The following IZUMO1 variants were observed in gnomAD, a reference collection of about 807,000 sequenced individuals.
IZUMO1 encodes the protein izumo sperm-oocyte fusion 1.
IZUMO1 carries 44 observed loss-of-function variants against 40.7 expected under a neutral mutation model. That is an observed-to-expected ratio of 1.08 (90% confidence interval 0.85 to 1.39). IZUMO1 has a LOEUF of 1.39. IZUMO1 is among the 40% of genes most tolerant of loss of function. IZUMO1 has a pLI of 0.00. For synonymous variants in IZUMO1, 149 were observed against 170.9 expected (o/e 0.87, Z 1.00); for missense variants, 368 against 436.9 (o/e 0.84, Z 1.41).
Position 48,741,571 on chromosome 19 carries a change from G to A in IZUMO1, c.755-93C>T. On this transcript the variant is annotated intron_variant, in intron 8 of 9. Coordinates refer to ENST00000332955, the MANE Select transcript of IZUMO1 (RefSeq NM_182575.3). This position sits in a 1 kb window ranked among gnomAD's most constrained non-coding sequence, Gnocchi z 4.4. ...CGTCCCAGTAGCCGGCCATCCCAGA[G>A]ATAATCACGCCTTCAACAGTGTCAA... is the stretch of plus-strand genomic sequence containing the variant. 1 of 1,409,020 alleles carries A rather than the reference G, an allele frequency of 7.1e-7. No homozygotes were observed. Among genetic ancestry groups the A allele is most frequent in the Non-Finnish European group, 9.7e-7 (1 of 1,026,298 alleles). 87.3% of individuals were successfully genotyped at this position (1,409,020 alleles called of 1,614,324 possible).
chr19:48,744,741 G>GC (rs11381763), intron 3 of IZUMO1, among the ~76,000 whole-genome samples: 62,938 of 151,692 alleles, frequency 0.41, 14,134 homozygotes, highest in East Asian at 0.85. Flanking sequence ...AGGCTGGAGT[G>GC]TGTGGTGTAA....
chr19:48,745,903 C>G lies in IZUMO1; in HGVS notation c.-44G>C, dbSNP rs753269591. On this transcript the variant is annotated 5_prime_UTR_variant, in exon 2 of 10. Coordinates refer to ENST00000332955, the MANE Select transcript of IZUMO1 (RefSeq NM_182575.3). ...TTCCCGAAGACCGTTAGGAAGGGTG[C>G]TCTCACCCCAAACCGAGAGCAGGAG... 5 of 1,608,578 alleles carry G rather than the reference C, an allele frequency of 3.1e-6. No homozygotes were observed. The African/African-American group carries it at 6.7e-5, about 22-fold the overall frequency.
In IZUMO1 at chr19:48,741,064, G is replaced by C. The variant is rs776944917; in HGVS notation, c.933-36C>G. 1.4e-5 allele frequency: 23 copies of C among 1,612,210 alleles called. No homozygotes were observed. In the South Asian group the frequency reaches 2.0e-4, roughly 14 times the overall value. ...GAGTGGGGTGCAGATCATGGAACCG[G>C]TTTGGGTACTAATTGTGTGGGGGAC... is the stretch of plus-strand genomic sequence containing the variant. On this transcript the variant is annotated intron_variant, in intron 9 of 9. Coordinates refer to ENST00000332955, the MANE Select transcript of IZUMO1 (RefSeq NM_182575.3). The surrounding 1 kb of genome is among the most constrained non-coding windows in gnomAD (Gnocchi z 4.4).
Position 48,745,761 on chromosome 19 carries a change from T to C in IZUMO1, c.99A>G (p.Leu33=). ...VICDPSVVLA[L]KSLEKDYLPG... is the part of the protein sequence containing the mutation. ...GCAGGTAATCTTTCTCCAGGGACTTTAGCGCCAGCACGACAGACGGGTCAC... is the reference window on the plus strand; with the variant it reads ...GCAGGTAATCTTTCTCCAGGGACTTCAGCGCCAGCACGACAGACGGGTCAC... The change falls in exon 2 of 10, where the codon CTA becomes CTG. Residue 33 remains leucine, a synonymous_variant. Transcript: ENST00000332955. The C allele has an allele frequency of 6.2e-7, 1 of 1,614,196 alleles. No individual in the cohort carries two copies. Among genetic ancestry groups the C allele is most frequent in the Non-Finnish European group, 8.5e-7 (1 of 1,180,038 alleles).
Position 48,746,477 on chromosome 19 carries a change from C to A in IZUMO1, c.-116G>T. On this transcript the variant is annotated 5_prime_UTR_variant, in exon 1 of 10. Transcript: ENST00000332955. Reference sequence around the variant, plus strand: ...GGACCCCACTAACACTTAAGCGAGACTCCATGCGGTCCTCTAGACCTAGGG... The same window carrying A: ...GGACCCCACTAACACTTAAGCGAGAATCCATGCGGTCCTCTAGACCTAGGG... 2.0e-6 allele frequency: 2 copies of A among 988,024 alleles called. No homozygotes were observed. Among genetic ancestry groups the A allele is most frequent in the Admixed American group, 5.9e-5 (1 of 16,878 alleles). 61.2% of individuals were successfully genotyped at this position (988,024 alleles called of 1,614,324 possible).
Position 48,741,760 on chromosome 19 carries a change from T to C in IZUMO1, c.754+29A>G. ...CCCAGCTTTCCTGGGCCCTGAATCC[T>C]ACACTTCTCTCAGCCCCACAGCACT... On this transcript the variant is annotated intron_variant, in intron 8 of 9. Transcript: ENST00000332955. The surrounding 1 kb of genome is among the most constrained non-coding windows in gnomAD (Gnocchi z 4.4). 6.5e-7 allele frequency: 1 copy of C among 1,531,618 alleles called. No individual in the cohort carries two copies. The highest frequency in any genetic ancestry group is 8.8e-7 in the Non-Finnish European group (1 of 1,135,488). The allele number at this position is 1,531,618 out of a possible 1,614,324, so 94.9% of individuals were successfully genotyped here. A position where few individuals can be genotyped will look rare whatever the true frequency, so the allele number is the denominator to read the frequency against.
intron 4 of IZUMO1, 115 bp from the exon 5 acceptor site, chr19:48,744,310 C>T (rs954812353): frequency 5.4e-6 from 7 of 1,284,562 alleles, no homozygotes; most frequent in African/African-American, 2.9e-5. Context: ...CTTTTGGGTT[C>T]GAGGGAGAAA....
chr19:48,746,186 A>T (rs12975033), intron 1 of IZUMO1: 492,354 of 1,143,326 alleles, frequency 0.43, 109,825 homozygotes, highest in East Asian at 0.85. Flanking sequence ...CCCCAAACTC[A>T]GAACCTGGAA....
chr19:48,741,942 C>A lies in IZUMO1; in HGVS notation c.601G>T (p.Val201Phe). The A allele has an allele frequency of 6.3e-7, 1 of 1,593,792 alleles. No individual in the cohort carries two copies. ...EGLTDYSFYRVWGNNTETLVS... is the reference protein window; with the variant it reads ...EGLTDYSFYRFWGNNTETLVS... ...AAGGTCTCCGTATTGTTCCCCCAAACCTAGACCCAAGCTCAAGGGGTCACT... is the reference window on the plus strand; with the variant it reads ...AAGGTCTCCGTATTGTTCCCCCAAAACTAGACCCAAGCTCAAGGGGTCACT... Residue 201 changes from valine (V) to phenylalanine (F), a missense_variant and splice_region_variant, in exon 8 of 10, where the codon GTT (valine) becomes TTT (phenylalanine). Transcript: ENST00000332955. The surrounding 1 kb of genome is among the most constrained non-coding windows in gnomAD (Gnocchi z 4.4).
intron 7 of IZUMO1, 86 bp downstream of exon 7, chr19:48,742,123 G>T: frequency 6.7e-7 from 1 of 1,485,900 alleles, no homozygotes; most frequent in Non-Finnish European, 9.4e-7. Flanking sequence ...CCTGGGTCAT[G>T]AGAATCGTGG....
At chr19:48,746,309 C>T in intron 1 of IZUMO1, 126 bp downstream of exon 1, 1 of 1,012,000 alleles carries the variant, frequency 9.9e-7, no homozygotes, top group Non-Finnish European at 1.2e-6. Context: ...AGGCACTCCC[C>T]CGCCAGCCCC....
intron 5 of IZUMO1, chr19:48,743,783 G>A (rs1452273073): frequency 1.9e-6 from 1 of 531,140 alleles, no homozygotes; most frequent in Non-Finnish European, 3.4e-6. Flanking sequence ...ACAAGGTCAG[G>A]AGTTCAAGAC....
Position 48,745,199 on chromosome 19 carries a change from C to G in IZUMO1, c.310+15G>C, listed in dbSNP as rs2033844314. ...TCTGAGAGATTCGGGACTCCCACCC[C>G]CTTGATGCATTTACCTTTTACATCA... is the stretch of plus-strand genomic sequence containing the variant. On this transcript the variant is annotated intron_variant, in intron 3 of 9. Coordinates refer to ENST00000332955, the MANE Select transcript of IZUMO1 (RefSeq NM_182575.3). 6.2e-7 allele frequency: 1 copy of G among 1,608,794 alleles called. No individual in the cohort carries two copies. The highest frequency in any genetic ancestry group is 8.5e-7 in the Non-Finnish European group (1 of 1,175,250).
intron 6 of IZUMO1, 61 bp downstream of exon 6, chr19:48,743,384 G>A (rs1392875840): frequency 6.6e-7 from 1 of 1,523,486 alleles, no homozygotes; most frequent in South Asian, 1.1e-5. Context: ...TCTCTAGACT[G>A]CCTCTCCTCT....
At chr19:48,744,618 C>T in intron 3 of IZUMO1, 79 bp from the exon 4 acceptor site, 1 of 1,014,870 alleles carries the variant, frequency 9.9e-7, no homozygotes, top group Non-Finnish European at 1.6e-6. Flanking sequence ...TGGCAGTCTA[C>T]TTCCTGGCCT....
Position 48,741,377 on chromosome 19 carries a change from C to T in IZUMO1, c.856G>A (p.Glu286Lys), listed in dbSNP as rs1163889275. Residue 286 changes from glutamate to lysine, a missense_variant, in exon 9 of 10, where the codon GAG (glutamate) becomes AAG (lysine). By Grantham distance (56) the Glu-to-Lys change is moderately conservative. Transcript: ENST00000332955. The surrounding 1 kb of genome is among the most constrained non-coding windows in gnomAD (Gnocchi z 4.4). The stretch of plus-strand genomic sequence containing the variant: ...AGAAGGCGGCTTGCCAGCATTTTCT[C>T]GGGCTGCAGAGGCTGGAGGCTTATG... The part of the protein sequence containing the change: ...SSISLQPLQP[E>K]KMLASRLLGL... The T allele has an allele frequency of 1.9e-6, 3 of 1,613,088 alleles. No individual in the cohort carries two copies. Among genetic ancestry groups the T allele is most frequent in the East Asian group, 2.2e-5 (1 of 44,898 alleles).
At position 48,745,720 on chromosome 19, in the gene IZUMO1, G is replaced by A; in HGVS notation, c.140C>T (p.Ala47Val). Residue 47 changes from alanine (A) to valine (V), a missense_variant, in exon 2 of 10, where the codon GCG becomes GTG. Transcript: ENST00000332955. ...EKDYLPGHLDAKHHKAMMERV... is the reference protein window; with the variant it reads ...EKDYLPGHLDVKHHKAMMERV... ...TTCCATCATGGCTTTGTGATGCTTCGCATCCAGGTGGCCAGGCAGGTAATC... is the reference window on the plus strand; with the variant it reads ...TTCCATCATGGCTTTGTGATGCTTCACATCCAGGTGGCCAGGCAGGTAATC... The A allele has an allele frequency of 8.1e-6, 13 of 1,614,110 alleles. No homozygotes were observed. The highest frequency in any genetic ancestry group is 1.1e-5 in the Non-Finnish European group (13 of 1,180,024).
Position 48,741,670 on chromosome 19 carries a change from G to GC in IZUMO1, c.754+118dup. 3 of 1,345,892 alleles carry GC rather than the reference G, an allele frequency of 2.2e-6. No individual in the cohort carries two copies. The highest frequency in any genetic ancestry group is 3.0e-6 in the Non-Finnish European group (3 of 1,003,102). The allele number at this position is 1,345,892 out of a possible 1,614,324, so 83.4% of individuals were successfully genotyped here. The stretch of plus-strand genomic sequence containing the variant: ...CCCCCGGCAGGAAGCCACACCCCGT[G>GC]CCCCGAAACCACACCCAACAGGAAG... On this transcript the variant is annotated intron_variant, in intron 8 of 9. Coordinates refer to ENST00000332955, the MANE Select transcript of IZUMO1 (RefSeq NM_182575.3). The surrounding 1 kb of genome is among the most constrained non-coding windows in gnomAD (Gnocchi z 4.4).
Position 48,741,626 on chromosome 19 carries a change from C to T in IZUMO1, c.755-148G>A, listed in dbSNP as rs1219981243. On this transcript the variant is annotated intron_variant, in intron 8 of 9. Transcript: ENST00000332955. This position sits in a 1 kb window ranked among gnomAD's most constrained non-coding sequence, Gnocchi z 4.4. ...GAACACACCCAAGGGAACCCCTGTCCTCGGGGCCAGAGGCCACGCCCCCGG... is the reference window on the plus strand; with the variant it reads ...GAACACACCCAAGGGAACCCCTGTCTTCGGGGCCAGAGGCCACGCCCCCGG... 3.2e-6 allele frequency: 4 copies of T among 1,259,410 alleles called. No individual in the cohort carries two copies. Among genetic ancestry groups the T allele is most frequent in the South Asian group, 3.0e-5 (2 of 66,480 alleles). The allele number at this position is 1,259,410 out of a possible 1,614,324, so 78.0% of individuals were successfully genotyped here.
Sources: gnomAD v4.1 joint callset for allele counts (sites outside exome capture counted in the v4.1 genomes callset) on GRCh38, gnomAD v4.1.1 for gene constraint, Gnocchi (gnomAD v3.1) non-coding constraint, MANE v1.5 for transcripts, NCBI Gene and HGNC (gene_info 2026-07-23, HGNC 2026-07-21) for gene names.